TRPM3: variants seen among roughly 807,000 people sequenced by gnomAD.
TRPM3 encodes transient receptor potential cation channel subfamily M member 3.
TRPM3 carries 77 observed loss-of-function variants against 181.2 expected under a neutral mutation model. The ratio of observed to expected loss-of-function variants is 0.42; its 90% CI spans 0.35 to 0.51. TRPM3 has a LOEUF of 0.51. Ranked by LOEUF, TRPM3 falls within the 20% of genes least tolerant of loss-of-function variation. TRPM3 has a pLI of 0.01. For synonymous variants in TRPM3, 745 were observed against 796.4 expected, an observed-to-expected ratio of 0.94 and a Z score of 1.09; for missense variants, 1,759 against 2,196.7, an observed-to-expected ratio of 0.80 and a Z score of 3.98.
Position 70,529,633 on chromosome 9 carries a change from T to A in TRPM3, c.*6320A>T, listed in dbSNP as rs1309560701. On this transcript the variant is annotated 3_prime_UTR_variant, in exon 26 of 26. Coordinates refer to ENST00000677713, the MANE Select transcript of TRPM3 (RefSeq NM_001366145.2). ...TTTAGAATTATGTGGCTAACAAATA[T>A]ACATGCATATATCATTCAGAACAAG... 2 of 152,222 alleles carry A rather than the reference T, an allele frequency of 1.3e-5. No homozygotes were observed. The highest frequency in any genetic ancestry group is 2.9e-5 in the Non-Finnish European group (2 of 68,030). 9.4% of individuals were successfully genotyped at this position (152,222 alleles called of 1,614,324 possible). A position where few individuals can be genotyped will look rare whatever the true frequency, so the allele number is the denominator to read the frequency against.
At chr9:70,869,632 C>G (rs1424185900) in intron 1 of TRPM3, among the ~76,000 whole-genome samples, 1 of 151,968 alleles carries the variant, frequency 6.6e-6, no homozygotes, top group Non-Finnish European at 1.5e-5. Flanking sequence ...TTGTCGGGGA[C>G]CTTCGAGAAC....
At chr9:70,942,898 C>T (rs1388880580) in intron 1 of TRPM3, among the ~76,000 whole-genome samples, 1 of 151,920 alleles carries the variant, frequency 6.6e-6, no homozygotes, top group Non-Finnish European at 1.5e-5. Flanking sequence ...ATTCTGATAC[C>T]CACCAAATTT....
At chr9:70,571,701 A>G (rs2052438942) in intron 22 of TRPM3, among the ~76,000 whole-genome samples, 2 of 152,156 alleles carry the variant, frequency 1.3e-5, no homozygotes, top group Non-Finnish European at 2.9e-5. Context: ...TGTGGGGATT[A>G]AATTAGTTAG....
intron 1 of TRPM3, among the ~76,000 whole-genome samples, chr9:71,074,601 A>G (rs1346866572): frequency 1.3e-5 from 2 of 152,192 alleles, no homozygotes; most frequent in African/African-American, 4.8e-5. Context: ...TGCTTCAGGT[A>G]CTTTTCTATC....
intron 1 of TRPM3, among the ~76,000 whole-genome samples, chr9:70,927,946 C>T (rs1589839652): frequency 6.6e-6 from 1 of 152,128 alleles, no homozygotes; most frequent in East Asian, 1.9e-4. Context: ...AAAAGCTTTC[C>T]TAAGACATGT....
chr9:70,783,714 C>T lies in TRPM3; in HGVS notation c.1148+391G>A, dbSNP rs147689878. On this transcript the variant is annotated intron_variant, in intron 7 of 25. Coordinates refer to ENST00000677713, the MANE Select transcript of TRPM3 (RefSeq NM_001366145.2). Reference sequence around the variant, plus strand: ...GGCCAAGCCTGGAAGCTGAACAACCCAGCTTCTCTGAAGTTACCAACCTGA... The same window carrying T: ...GGCCAAGCCTGGAAGCTGAACAACCTAGCTTCTCTGAAGTTACCAACCTGA... 79 of 376,528 alleles carry T rather than the reference C, an allele frequency of 2.1e-4. 1 individual carries two copies. The highest frequency in any genetic ancestry group is 1.6e-3 in the African/African-American group (71 of 45,498). 23.3% of individuals were successfully genotyped at this position (376,528 alleles called of 1,614,324 possible). A position where few individuals can be genotyped will look rare whatever the true frequency, so the allele number is the denominator to read the frequency against.
intron 1 of TRPM3, among the ~76,000 whole-genome samples, chr9:71,293,676 T>C (rs1286135457): frequency 1.3e-5 from 2 of 151,772 alleles, no homozygotes; most frequent in African/African-American, 4.8e-5. Flanking sequence ...TTTAATGCAA[T>C]TTCAGTAAAA....
At chr9:71,180,167 G>T (rs2077320350) in intron 1 of TRPM3, among the ~76,000 whole-genome samples, 1 of 144,174 alleles carries the variant, frequency 6.9e-6, no homozygotes, top group South Asian at 2.2e-4. Flanking sequence ...TGATTCTCCT[G>T]TCTCAGCCTC....
intron 1 of TRPM3, among the ~76,000 whole-genome samples, chr9:70,895,066 A>G (rs1164010069): frequency 6.6e-6 from 1 of 152,136 alleles, no homozygotes; most frequent in East Asian, 1.9e-4. Flanking sequence ...TCGTCATCAA[A>G]TGTTATATTG....
intron 1 of TRPM3, among the ~76,000 whole-genome samples, chr9:70,969,945 T>C (rs1053880274): frequency 6.6e-6 from 1 of 151,970 alleles, no homozygotes; most frequent in Non-Finnish European, 1.5e-5. Context: ...ACCAGGTCTA[T>C]AGGTCTCGAC....
chr9:70,777,564 A>G (rs1366087380), intron 7 of TRPM3, among the ~76,000 whole-genome samples: 3 of 152,142 alleles, frequency 2.0e-5, no homozygotes, highest in Non-Finnish European at 4.4e-5. Flanking sequence ...ACAGGTGGCA[A>G]TATATCTATG....
At chr9:70,660,480 T>C (rs2060965421) in intron 9 of TRPM3, among the ~76,000 whole-genome samples, 1 of 152,110 alleles carries the variant, frequency 6.6e-6, no homozygotes, top group South Asian at 2.1e-4. Context: ...CTACATATGT[T>C]GACTGATGTT....
At chr9:70,670,291 C>G in intron 9 of TRPM3, among the ~76,000 whole-genome samples, 1 of 152,078 alleles carries the variant, frequency 6.6e-6, no homozygotes, top group Non-Finnish European at 1.5e-5. Flanking sequence ...GTAACCATTC[C>G]GCAGGGTTGT....
chr9:70,645,885 G>GA (rs1258295257), intron 9 of TRPM3, among the ~76,000 whole-genome samples: 1 of 151,990 alleles, frequency 6.6e-6, no homozygotes, highest in Non-Finnish European at 1.5e-5. Context: ...AAATTTACAA[G>GA]AAAAAAACAA....
chr9:70,810,463 C>T (rs1438695019), intron 6 of TRPM3, among the ~76,000 whole-genome samples: 3 of 151,832 alleles, frequency 2.0e-5, no homozygotes, highest in African/African-American at 2.4e-5. Flanking sequence ...TCCATCCCCA[C>T]GCTCCTCTCC....
chr9:71,174,201 G>A (rs2076998652), intron 1 of TRPM3, among the ~76,000 whole-genome samples: 1 of 152,128 alleles, frequency 6.6e-6, no homozygotes, highest in African/African-American at 2.4e-5. Flanking sequence ...AGCTAAAATG[G>A]AAGACATCGC....
intron 1 of TRPM3, among the ~76,000 whole-genome samples, chr9:70,997,184 A>ACTTACTAT (rs1186201758): frequency 1.3e-5 from 2 of 152,060 alleles, no homozygotes; most frequent in East Asian, 1.9e-4. Context: ...ACATTTTTAT[A>ACTTACTAT]CTTACTATCT....
chr9:70,910,098 T>G (rs534906638), intron 1 of TRPM3, among the ~76,000 whole-genome samples: 1 of 152,272 alleles, frequency 6.6e-6, no homozygotes, highest in Admixed American at 6.5e-5. Context: ...AAAAAATATG[T>G]GTATAAGTGC....
At chr9:71,194,237 G>A (rs534203766) in intron 1 of TRPM3, among the ~76,000 whole-genome samples, 1 of 151,900 alleles carries the variant, frequency 6.6e-6, no homozygotes, top group South Asian at 2.1e-4. Context: ...TTTCTCTTGG[G>A]AAGAGGTAAG....
Sources: gnomAD v4.1 joint callset for allele counts (sites outside exome capture counted in the v4.1 genomes callset) on GRCh38, gnomAD v4.1.1 for gene constraint, MANE v1.5 for transcripts, NCBI Gene and HGNC (gene_info 2026-07-23, HGNC 2026-07-21) for gene names.